FOXRED1: variants seen among roughly 807,000 people sequenced by gnomAD.
FOXRED1 encodes the protein FAD dependent oxidoreductase domain containing 1, also known as FAD-dependent oxidoreductase domain-containing protein 1.
A neutral mutation model predicts 57.8 loss-of-function variants in FOXRED1; 52 were observed. The ratio of observed to expected loss-of-function variants is 0.90; its 90% CI spans 0.72 to 1.13. FOXRED1 has a LOEUF of 1.13. FOXRED1 is among the 50% of genes most tolerant of loss of function. The pLI is 0.00. For synonymous variants in FOXRED1, 271 were observed against 248.3 expected, an observed-to-expected ratio of 1.09 and a Z score of -0.86; for missense variants, 589 against 625.2, an observed-to-expected ratio of 0.94 and a Z score of 0.62.
At position 126,275,252 on chromosome 11, in the gene FOXRED1, TGGG is replaced by T; in HGVS notation, c.632-71_632-69del. The T allele has an allele frequency of 3.5e-6, 4 of 1,141,590 alleles. No homozygotes were observed. The highest frequency in any genetic ancestry group is 5.3e-6 in the Non-Finnish European group (4 of 750,492). 70.7% of individuals were successfully genotyped at this position (1,141,590 alleles called of 1,614,324 possible). ...CGGCTTACAAGCCCTAGAGAGGGGT[TGGG>T]GGGCACAGGAAATACAATCCAAGAG... On this transcript the variant is annotated intron_variant, in intron 5 of 10. Coordinates refer to ENST00000263578, the MANE Select transcript of FOXRED1 (RefSeq NM_017547.4). This position sits in a 1 kb window ranked among gnomAD's most constrained non-coding sequence, Gnocchi z 5.9.
rs749853207 is a variant in FOXRED1, at chr11:126,275,356, T to C, written c.661T>C (p.Trp221Arg). ...GMEDEGWFDP[W>R]CLLQGLRRKV... ...GGAGGACGAAGGTTGGTTTGACCCCTGGTGTCTGCTCCAGGGGCTTCGGCG... is the reference window on the plus strand; with the variant it reads ...GGAGGACGAAGGTTGGTTTGACCCCCGGTGTCTGCTCCAGGGGCTTCGGCG... The change falls in exon 6 of 11, where the codon TGG becomes CGG. Residue 221 changes from tryptophan (W) to arginine (R), a missense_variant. Physicochemically the swap from Trp to Arg is moderately radical, Grantham distance 101. Coordinates refer to ENST00000263578, the MANE Select transcript of FOXRED1 (RefSeq NM_017547.4). This position sits in a 1 kb window ranked among gnomAD's most constrained non-coding sequence, Gnocchi z 5.9. The C allele has an allele frequency of 1.2e-6, 2 of 1,613,948 alleles. No homozygotes were observed. The highest frequency in any genetic ancestry group is 1.7e-6 in the Non-Finnish European group (2 of 1,179,850).
In FOXRED1 at chr11:126,274,717, A is replaced by T; in HGVS notation, c.537-210A>T. ...TCTGTGTGCTGAAGGGAGACAAGGG[A>T]GTAGGGAAGGAAAGGCAGTCAAGGC... On this transcript the variant is annotated intron_variant, in intron 4 of 10. Transcript: ENST00000263578. This position sits in a 1 kb window ranked among gnomAD's most constrained non-coding sequence, Gnocchi z 4.8. The T allele has an allele frequency of 1.6e-6, 1 of 608,506 alleles. No homozygotes were observed. Among genetic ancestry groups the T allele is most frequent in the East Asian group, 3.0e-5 (1 of 33,170 alleles). The allele number at this position is 608,506 out of a possible 1,614,324, so 37.7% of individuals were successfully genotyped here.
In FOXRED1 at chr11:126,275,649, T is replaced by G. The variant is rs1204559324; in HGVS notation, c.734-145T>G. On this transcript the variant is annotated intron_variant, in intron 6 of 10. Transcript: ENST00000263578. This position sits in a 1 kb window ranked among gnomAD's most constrained non-coding sequence, Gnocchi z 5.9. ...TCCTGTCAGAGTGTGGCCAAGCTCA[T>G]GCCAGCTCCCTCATCTCTGTTTGCT... The G allele has an allele frequency of 1.6e-5, 12 of 734,136 alleles. No individual in the cohort carries two copies. The highest frequency in any genetic ancestry group is 2.9e-5 in the Non-Finnish European group (12 of 412,030). The allele number at this position is 734,136 out of a possible 1,614,324, so 45.5% of individuals were successfully genotyped here.
chr11:126,271,556 G>T lies in FOXRED1; in HGVS notation c.205G>T (p.Val69Leu), dbSNP rs200432010. 5 of 1,614,222 alleles carry T rather than the reference G, an allele frequency of 3.1e-6. No homozygotes were observed. Among genetic ancestry groups the T allele is most frequent in the Non-Finnish European group, 4.2e-6 (5 of 1,180,046 alleles). The stretch of plus-strand genomic sequence containing the variant: ...TCCCGAGCACTCGGATGTGGTGATC[G>T]TGGGAGGTGGGGTGCTTGGCTTGTC... The part of the protein sequence containing the change: ...LPPEHSDVVI[V>L]GGGVLGLSVA... Residue 69 changes from valine to leucine, a missense_variant, in exon 2 of 11, where the codon GTG becomes TTG. By Grantham distance (32) the Val-to-Leu change is conservative. Coordinates refer to ENST00000263578, the MANE Select transcript of FOXRED1 (RefSeq NM_017547.4). This position sits in a 1 kb window ranked among gnomAD's most constrained non-coding sequence, Gnocchi z 5.3.
rs1951023546 is a variant in FOXRED1 at position 126,272,739 on chromosome 11, C to T, written c.307-230C>T. 1.7e-6 allele frequency: 1 copy of T among 602,724 alleles called. No individual in the cohort carries two copies. The highest frequency in any genetic ancestry group is 1.9e-5 in the South Asian group (1 of 51,368). The allele number at this position is 602,724 out of a possible 1,614,324, so 37.3% of individuals were successfully genotyped here. On this transcript the variant is annotated intron_variant, in intron 2 of 10. Transcript: ENST00000263578. The surrounding 1 kb of genome is among the most constrained non-coding windows in gnomAD (Gnocchi z 4.6). ...CTTCCAGGCCATTACCATTTTGTAC[C>T]ACTGTGTCAGCTCTTTCCAGATGAC...
At position 126,269,203 on chromosome 11, in the gene FOXRED1, G is replaced by A. The variant is rs759721022; in HGVS notation, c.-4G>A. The stretch of plus-strand genomic sequence containing the variant: ...CTTTCAGAGGGTCCGGGCTCAGAGG[G>A]GTTATGATTCGGAGGGTTCTGCCGC... On this transcript the variant is annotated 5_prime_UTR_variant, in exon 1 of 11. Coordinates refer to ENST00000263578, the MANE Select transcript of FOXRED1 (RefSeq NM_017547.4). The A allele has an allele frequency of 2.5e-6, 4 of 1,610,560 alleles. No homozygotes were observed. The highest frequency in any genetic ancestry group is 2.5e-6 in the Non-Finnish European group (3 of 1,177,194).
rs1951128120 is a variant in FOXRED1 at position 126,276,184 on chromosome 11, G to T, written c.936G>T (p.Leu312=). The T allele has an allele frequency of 6.2e-7, 1 of 1,607,394 alleles. No individual in the cohort carries two copies. Among genetic ancestry groups the T allele is most frequent in the Admixed American group, 1.7e-5 (1 of 59,192 alleles). The part of the protein sequence containing the change: ...AGVGEGPPGT[L]QGTKLPVEPR... The stretch of plus-strand genomic sequence containing the variant: ...TTGGAGAGGGGCCGCCTGGCACCCT[G>T]CAGGGCACCAAGCTACCTGTGGAGC... The change falls in exon 8 of 11, where the codon CTG becomes CTT. Residue 312 remains leucine, a synonymous_variant. Transcript: ENST00000263578.
chr11:126,274,553 C>T lies in FOXRED1; in HGVS notation c.537-374C>T, dbSNP rs537669764. The stretch of plus-strand genomic sequence containing the variant: ...GTCCCAGCTACTCCAGAGGCTGAAG[C>T]AGGAGAATCGCTTGAACCCGGGAGG... On this transcript the variant is annotated intron_variant, in intron 4 of 10. Transcript: ENST00000263578. The surrounding 1 kb of genome is among the most constrained non-coding windows in gnomAD (Gnocchi z 4.8). 2.6e-5 allele frequency: 8 copies of T among 310,046 alleles called. No individual in the cohort carries two copies. The highest frequency in any genetic ancestry group is 5.1e-5 in the Non-Finnish European group (8 of 157,310). The allele number at this position is 310,046 out of a possible 1,614,324, so 19.2% of individuals were successfully genotyped here. A position where few individuals can be genotyped will look rare whatever the true frequency, so the allele number is the denominator to read the frequency against.
chr11:126,276,529 C>T lies in FOXRED1; in HGVS notation c.1101+6C>T, dbSNP rs1252312540. On this transcript the variant is annotated splice_donor_region_variant and intron_variant, in intron 9 of 10. Transcript: ENST00000263578. ...GTGGTCGTAGCCCCACTGAGGTAAG[C>T]TGAGTGGGGTGGGACATGCTGGCAA... 1 of 1,603,652 alleles carries T rather than the reference C, an allele frequency of 6.2e-7. No homozygotes were observed. Among genetic ancestry groups the T allele is most frequent in the Non-Finnish European group, 8.5e-7 (1 of 1,174,098 alleles).
In FOXRED1 at chr11:126,273,454, G is replaced by T. The variant is rs759795078; in HGVS notation, c.536G>T (p.Arg179Met). Residue 179 changes from arginine to methionine, a missense_variant and splice_region_variant, in exon 4 of 11, where the codon AGG (arginine) becomes ATG (methionine). Transcript: ENST00000263578. This position sits in a 1 kb window ranked among gnomAD's most constrained non-coding sequence, Gnocchi z 5.9. Reference protein sequence around the residue: ...AAMESNVKVQRQEGAKVSLMS... With the variant: ...AAMESNVKVQMQEGAKVSLMS... ...ATGGAGAGCAACGTGAAAGTGCAGA[G>T]GTGGGTGCCTGGCACAGCCTCTTAG... 2 of 1,603,744 alleles carry T rather than the reference G, an allele frequency of 1.2e-6. No individual in the cohort carries two copies. Among genetic ancestry groups the T allele is most frequent in the East Asian group, 4.5e-5 (2 of 44,852 alleles).
intron 1 of FOXRED1, among the ~76,000 whole-genome samples, chr11:126,270,492 G>C (rs1950954557): frequency 6.6e-6 from 1 of 152,168 alleles, no homozygotes; most frequent in Non-Finnish European, 1.5e-5. Context: ...AGTTTGACCT[G>C]GTCTGGGGGT....
rs370131645 is a variant in FOXRED1 at position 126,276,053 on chromosome 11, C to T, written c.811-6C>T. On this transcript the variant is annotated splice_region_variant and splice_polypyrimidine_tract_variant and intron_variant, in intron 7 of 10. Coordinates refer to ENST00000263578, the MANE Select transcript of FOXRED1 (RefSeq NM_017547.4). ...CTTCCCACTCCTCACCCTCTGGTGT[C>T]TGCAGGTGAAGATGGACCGCAGCCT... is the stretch of plus-strand genomic sequence containing the variant. 1.2e-6 allele frequency: 2 copies of T among 1,612,792 alleles called. No homozygotes were observed. The highest frequency in any genetic ancestry group is 1.7e-6 in the Non-Finnish European group (2 of 1,180,026).
Position 126,273,059 on chromosome 11 carries a change from A to C in FOXRED1, c.397A>C (p.Ser133Arg). Residue 133 changes from serine (S) to arginine (R), a missense_variant, in exon 3 of 11, where the codon AGC (serine) becomes CGC (arginine). Ser to Arg is a moderately radical substitution (Grantham distance 110, BLOSUM62 -1). Transcript: ENST00000263578. This position sits in a 1 kb window ranked among gnomAD's most constrained non-coding sequence, Gnocchi z 5.9. The part of the protein sequence containing the change: ...ENIQLSLFSA[S>R]FLRNINEYLA... ...CATCCAGCTCTCCCTCTTTTCAGCC[A>C]GCTTTCTACGGAACATCAATGTAGG... is the stretch of plus-strand genomic sequence containing the variant. 1 of 1,589,642 alleles carries C rather than the reference A, an allele frequency of 6.3e-7. No individual in the cohort carries two copies. The highest frequency in any genetic ancestry group is 8.6e-7 in the Non-Finnish European group (1 of 1,157,668).
chr11:126,271,341 G>A lies in FOXRED1; in HGVS notation c.86-96G>A. 1.1e-6 allele frequency: 1 copy of A among 885,312 alleles called. No individual in the cohort carries two copies. The highest frequency in any genetic ancestry group is 2.4e-5 in the East Asian group (1 of 41,158). 54.8% of individuals were successfully genotyped at this position (885,312 alleles called of 1,614,324 possible). On this transcript the variant is annotated intron_variant, in intron 1 of 10. Transcript: ENST00000263578. This position sits in a 1 kb window ranked among gnomAD's most constrained non-coding sequence, Gnocchi z 5.3. ...GACAGTGGGGACTGCCAACTCATGT[G>A]TCTGTTTAGCTCACCTTTTCCTGTG...
Position 126,277,834 on chromosome 11 carries a change from T to G in FOXRED1, c.*145T>G. On this transcript the variant is annotated 3_prime_UTR_variant, in exon 11 of 11. Coordinates refer to ENST00000263578, the MANE Select transcript of FOXRED1 (RefSeq NM_017547.4). The surrounding 1 kb of genome is among the most constrained non-coding windows in gnomAD (Gnocchi z 6.8). Reference sequence around the variant, plus strand: ...CCTCTCAGGCAGGCCATTGCACCCATATGGCTGGGCAGGCACAGGCAGTGA... The same window carrying G: ...CCTCTCAGGCAGGCCATTGCACCCAGATGGCTGGGCAGGCACAGGCAGTGA... 1 of 890,750 alleles carries G rather than the reference T, an allele frequency of 1.1e-6. No homozygotes were observed. The highest frequency in any genetic ancestry group is 1.8e-6 in the Non-Finnish European group (1 of 545,848). 55.2% of individuals were successfully genotyped at this position (890,750 alleles called of 1,614,324 possible).
At position 126,275,885 on chromosome 11, in the gene FOXRED1, T is replaced by C; in HGVS notation, c.810+15T>C. On this transcript the variant is annotated intron_variant, in intron 7 of 10. Transcript: ENST00000263578. This position sits in a 1 kb window ranked among gnomAD's most constrained non-coding sequence, Gnocchi z 5.9. ...ATGAAGTCCATGTAAGTTTCTAGTC[T>C]GTGATGTCCTTTACCAAAATGGAGG... is the stretch of plus-strand genomic sequence containing the variant. 3 of 1,592,220 alleles carry C rather than the reference T, an allele frequency of 1.9e-6. No homozygotes were observed. The highest frequency in any genetic ancestry group is 2.6e-6 in the Non-Finnish European group (3 of 1,160,112).
chr11:126,274,324 G>A lies in FOXRED1; in HGVS notation c.537-603G>A. The stretch of plus-strand genomic sequence containing the variant: ...GAGGAGGTGGATCCAGGCAGGAGTG[G>A]AGGGAACAAGGTTACCACCTTGTTG... On this transcript the variant is annotated intron_variant, in intron 4 of 10. Transcript: ENST00000263578. The surrounding 1 kb of genome is among the most constrained non-coding windows in gnomAD (Gnocchi z 4.8). 1 of 169,874 alleles carries A rather than the reference G, an allele frequency of 5.9e-6. No individual in the cohort carries two copies. The highest frequency in any genetic ancestry group is 1.3e-5 in the Non-Finnish European group (1 of 77,620). The allele number at this position is 169,874 out of a possible 1,614,324, so 10.5% of individuals were successfully genotyped here. A position where few individuals can be genotyped will look rare whatever the true frequency, so the allele number is the denominator to read the frequency against.
At position 126,271,218 on chromosome 11, in the gene FOXRED1, A is replaced by C. The variant is rs1306355118; in HGVS notation, c.86-219A>C. ...TTAATTTTAGGAAATTGAATCTTGC[A>C]GTGCTTGGCACAATGCATGAAGAGA... is the stretch of plus-strand genomic sequence containing the variant. On this transcript the variant is annotated intron_variant, in intron 1 of 10. Transcript: ENST00000263578. The surrounding 1 kb of genome is among the most constrained non-coding windows in gnomAD (Gnocchi z 5.3). 9.7e-6 allele frequency: 5 copies of C among 517,712 alleles called. No individual in the cohort carries two copies. Among genetic ancestry groups the C allele is most frequent in the Admixed American group, 3.5e-5 (1 of 28,528 alleles). 32.1% of individuals were successfully genotyped at this position (517,712 alleles called of 1,614,324 possible). A position where few individuals can be genotyped will look rare whatever the true frequency, so the allele number is the denominator to read the frequency against.
chr11:126,276,600 G>A (rs1403739888), intron 9 of FOXRED1, 77 bp downstream of exon 9: 1 of 1,506,338 alleles, frequency 6.6e-7, no homozygotes. Context: ...TTTTGGCCAG[G>A]CACAGTAGCT....
Sources: gnomAD v4.1 joint callset for allele counts (sites outside exome capture counted in the v4.1 genomes callset) on GRCh38, gnomAD v4.1.1 for gene constraint, Gnocchi (gnomAD v3.1) non-coding constraint, MANE v1.5 for transcripts, NCBI Gene and HGNC (gene_info 2026-07-23, HGNC 2026-07-21) for gene names.